PRELP: variants seen among roughly 807,000 people sequenced by gnomAD.
The protein encoded by PRELP is prolargin.
A neutral mutation model predicts 22.8 loss-of-function variants in PRELP; 16 were observed. The observed-to-expected ratio is 0.70, with a 90% CI of 0.47 to 1.06. The LOEUF (loss-of-function observed/expected upper bound fraction) is 1.06. Among genes scored for constraint, PRELP ranks in the 50% least tolerant of loss-of-function variants. PRELP has a pLI of 0.00. For synonymous variants in PRELP, 233 were observed against 211.4 expected (o/e 1.10, Z -0.89); for missense variants, 434 against 485.2 (o/e 0.89, Z 0.99).
chr1:203,483,094 A>C lies in PRELP; in HGVS notation c.-16-75A>C. ...TTCCCTAGAGCTCTAGTTCTGCCCAACTCTGGCTTCAAAAACATGACAACT... is the reference window on the plus strand; with the variant it reads ...TTCCCTAGAGCTCTAGTTCTGCCCACCTCTGGCTTCAAAAACATGACAACT... On this transcript the variant is annotated intron_variant, in intron 1 of 2. Transcript: ENST00000343110. This position sits in a 1 kb window ranked among gnomAD's most constrained non-coding sequence, Gnocchi z 4.4. The C allele has an allele frequency of 7.9e-7, 1 of 1,262,360 alleles. No individual in the cohort carries two copies. The highest frequency in any genetic ancestry group is 1.1e-6 in the Non-Finnish European group (1 of 906,062). 78.2% of individuals were successfully genotyped at this position (1,262,360 alleles called of 1,614,324 possible).
At chr1:203,480,617 A>G (rs1660983628) in intron 1 of PRELP, among the ~76,000 whole-genome samples, 1 of 152,244 alleles carries the variant, frequency 6.6e-6, no homozygotes, top group African/African-American at 2.4e-5. Flanking sequence ...CCCCATGAGA[A>G]AAGCCTTAGA....
chr1:203,481,868 T>C (rs1661006223), intron 1 of PRELP, among the ~76,000 whole-genome samples: 1 of 151,898 alleles, frequency 6.6e-6, no homozygotes, highest in Admixed American at 6.6e-5. Context: ...GGGTCTGGAG[T>C]TGATTGGTGG....
At position 203,489,312 on chromosome 1, in the gene PRELP, C is replaced by T. The variant is rs1333119112; in HGVS notation, c.*2431C>T. On this transcript the variant is annotated 3_prime_UTR_variant, in exon 3 of 3. Coordinates refer to ENST00000343110, the MANE Select transcript of PRELP (RefSeq NM_002725.4). The stretch of plus-strand genomic sequence containing the variant: ...CTGCCCAATCTAGAATATGTCTGCT[C>T]TCCTTTGCTCTCTGCAGCTGTAAGC... 1 of 152,414 alleles carries T rather than the reference C, an allele frequency of 6.6e-6. No individual in the cohort carries two copies. Among genetic ancestry groups the T allele is most frequent in the East Asian group, 1.9e-4 (1 of 5,198 alleles). The allele number at this position is 152,414 out of a possible 1,614,324, so 9.4% of individuals were successfully genotyped here. A position where few individuals can be genotyped will look rare whatever the true frequency, so the allele number is the denominator to read the frequency against.
rs140798315 is a variant in PRELP, at chr1:203,486,830, C to T, written c.1098C>T (p.Ile366=). The T allele has an allele frequency of 6.6e-4, 1,073 of 1,614,224 alleles. No homozygotes were observed. The highest frequency in any genetic ancestry group is 8.6e-4 in the Non-Finnish European group (1,017 of 1,180,032). ...ATGGAAACTACTTGAAGCCGCCCAT[C>T]CCGCTGGACCTCATGATGTGCTTCC... ...RLDGNYLKPP[I]PLDLMMCFRL... is the part of the protein sequence containing the mutation. The change falls in exon 3 of 3, where the codon ATC becomes ATT. Residue 366 remains isoleucine, a synonymous_variant. Coordinates refer to ENST00000343110, the MANE Select transcript of PRELP (RefSeq NM_002725.4).
At chr1:203,484,247 G>C in intron 2 of PRELP, 90 bp downstream of exon 2, 1 of 1,500,852 alleles carries the variant, frequency 6.7e-7, no homozygotes, top group Non-Finnish European at 8.9e-7. Flanking sequence ...AGGGTGGGGT[G>C]GTATAAAAAG....
In PRELP at chr1:203,486,930, C is replaced by T. The variant is rs1249154165; in HGVS notation, c.*49C>T. ...CTCTGACCGCACTTGAAGGCTGGGGCCCAGGCACCTGTGCCGGCCATTCGT... is the reference window on the plus strand; with the variant it reads ...CTCTGACCGCACTTGAAGGCTGGGGTCCAGGCACCTGTGCCGGCCATTCGT... On this transcript the variant is annotated 3_prime_UTR_variant, in exon 3 of 3. Coordinates refer to ENST00000343110, the MANE Select transcript of PRELP (RefSeq NM_002725.4). 3.3e-6 allele frequency: 5 copies of T among 1,529,746 alleles called. No individual in the cohort carries two copies. The highest frequency in any genetic ancestry group is 1.4e-5 in the African/African-American group (1 of 72,636). 94.8% of individuals were successfully genotyped at this position (1,529,746 alleles called of 1,614,324 possible). A position where few individuals can be genotyped will look rare whatever the true frequency, so the allele number is the denominator to read the frequency against.
chr1:203,482,484 G>A (rs1378184267), intron 1 of PRELP, among the ~76,000 whole-genome samples: 1 of 151,050 alleles, frequency 6.6e-6, no homozygotes, highest in Non-Finnish European at 1.5e-5. Flanking sequence ...CTCCATGTTG[G>A]TCAGGCTGAT....
At chr1:203,479,706 C>CAAAAAA (rs397844598) in intron 1 of PRELP, among the ~76,000 whole-genome samples, 14 of 52,516 alleles carry the variant, frequency 2.7e-4, no homozygotes, top group South Asian at 1.0e-3. Context: ...CCTGTATCAC[C>CAAAAAA]AAAAAAAAAA....
intron 1 of PRELP, 33 bp downstream of exon 1, chr1:203,475,971 G>C (rs1660906492): frequency 6.6e-6 from 1 of 152,516 alleles, no homozygotes; most frequent in Non-Finnish European, 1.5e-5. Flanking sequence ...CAGGAGACTG[G>C]GAAGAATCTT....
rs1171823716 is a variant in PRELP, at chr1:203,490,460, C to A, written c.*3579C>A. 1.3e-5 allele frequency: 2 copies of A among 152,200 alleles called. No homozygotes were observed. Among genetic ancestry groups the A allele is most frequent in the Non-Finnish European group, 1.5e-5 (1 of 68,046 alleles). The allele number at this position is 152,200 out of a possible 1,614,324, so 9.4% of individuals were successfully genotyped here. ...CTACATGTACTAAATTGTCGAAGGTCTCCCAGGAGCTCTGTACTGAGGCAG... is the reference window on the plus strand; with the variant it reads ...CTACATGTACTAAATTGTCGAAGGTATCCCAGGAGCTCTGTACTGAGGCAG... On this transcript the variant is annotated 3_prime_UTR_variant, in exon 3 of 3. Coordinates refer to ENST00000343110, the MANE Select transcript of PRELP (RefSeq NM_002725.4).
In PRELP at chr1:203,484,048, T is replaced by C; in HGVS notation, c.864T>C (p.Phe288=). The part of the protein sequence containing the change: ...LTDRGLPKNS[F]NISNLLVLHL... ...ACAGGGGACTCCCCAAGAACTCCTT[T>C]AATATCTCCAACCTGCTTGTGCTCC... Residue 288 remains phenylalanine, a synonymous_variant, in exon 2 of 3, where the codon TTT becomes TTC. Coordinates refer to ENST00000343110, the MANE Select transcript of PRELP (RefSeq NM_002725.4). 1 of 1,614,126 alleles carries C rather than the reference T, an allele frequency of 6.2e-7. No individual in the cohort carries two copies. The highest frequency in any genetic ancestry group is 8.5e-7 in the Non-Finnish European group (1 of 1,180,042).
In PRELP at chr1:203,486,929, GC is replaced by G; in HGVS notation, c.*51del. The G allele has an allele frequency of 1.3e-6, 2 of 1,532,502 alleles. No individual in the cohort carries two copies. Among genetic ancestry groups the G allele is most frequent in the Non-Finnish European group, 1.8e-6 (2 of 1,127,732 alleles). The allele number at this position is 1,532,502 out of a possible 1,614,324, so 94.9% of individuals were successfully genotyped here. On this transcript the variant is annotated 3_prime_UTR_variant, in exon 3 of 3. Transcript: ENST00000343110. ...GCTCTGACCGCACTTGAAGGCTGGG[GC>G]CCAGGCACCTGTGCCGGCCATTCGT...
Position 203,488,321 on chromosome 1 carries a change from C to T in PRELP, c.*1440C>T, listed in dbSNP as rs1026018116. On this transcript the variant is annotated 3_prime_UTR_variant, in exon 3 of 3. Transcript: ENST00000343110. ...ATTGCCTGAGCTCAGGAGTTCGAAACCACCCTGGGCAACATGGTGAAACCC... is the reference window on the plus strand; with the variant it reads ...ATTGCCTGAGCTCAGGAGTTCGAAATCACCCTGGGCAACATGGTGAAACCC... The T allele has an allele frequency of 2.6e-5, 4 of 152,198 alleles. No homozygotes were observed. Among genetic ancestry groups the T allele is most frequent in the African/African-American group, 9.7e-5 (4 of 41,436 alleles). The allele number at this position is 152,198 out of a possible 1,614,324, so 9.4% of individuals were successfully genotyped here.
At chr1:203,485,707 A>G (rs1188145439) in intron 2 of PRELP, among the ~76,000 whole-genome samples, 2 of 152,034 alleles carry the variant, frequency 1.3e-5, no homozygotes, top group African/African-American at 4.8e-5. Flanking sequence ...AGACGAGGAA[A>G]AGGAAGAGGA....
rs950798043 is a variant in PRELP, at chr1:203,483,917, C to T, written c.733C>T (p.His245Tyr). Residue 245 changes from histidine (H) to tyrosine (Y), a missense_variant, in exon 2 of 3, where the codon CAC becomes TAC. Coordinates refer to ENST00000343110, the MANE Select transcript of PRELP (RefSeq NM_002725.4). This position sits in a 1 kb window ranked among gnomAD's most constrained non-coding sequence, Gnocchi z 4.4. Reference protein sequence around the residue: ...KMPPRVPTAIHQLYLDSNKIE... With the variant: ...KMPPRVPTAIYQLYLDSNKIE... ...GCCGCCCAGGGTCCCCACCGCCATT[C>T]ACCAGCTCTACCTGGACAGTAACAA... 6.2e-7 allele frequency: 1 copy of T among 1,614,276 alleles called. No homozygotes were observed. The highest frequency in any genetic ancestry group is 1.3e-5 in the African/African-American group (1 of 75,070).
At chr1:203,485,759 G>A (rs1571588151) in intron 2 of PRELP, among the ~76,000 whole-genome samples, 1 of 147,950 alleles carries the variant, frequency 6.8e-6, no homozygotes, top group East Asian at 2.1e-4. Flanking sequence ...TCCTCCTCCT[G>A]CTCCTCCATA....
At chr1:203,479,003 A>G (rs1234819956) in intron 1 of PRELP, among the ~76,000 whole-genome samples, 1 of 152,180 alleles carries the variant, frequency 6.6e-6, no homozygotes, top group Non-Finnish European at 1.5e-5. Flanking sequence ...TTGAGAACAG[A>G]AAGAAGGGAA....
At position 203,490,329 on chromosome 1, in the gene PRELP, T is replaced by C. The variant is rs550068981; in HGVS notation, c.*3448T>C. The C allele has an allele frequency of 6.6e-6, 1 of 152,234 alleles. No individual in the cohort carries two copies. Among genetic ancestry groups the C allele is most frequent in the Non-Finnish European group, 1.5e-5 (1 of 68,008 alleles). 9.4% of individuals were successfully genotyped at this position (152,234 alleles called of 1,614,324 possible). A position where few individuals can be genotyped will look rare whatever the true frequency, so the allele number is the denominator to read the frequency against. ...ACCCTCATGAAAAATTAATCCTCAG[T>C]TCCACGAGACTGCCCACCCACAGAC... On this transcript the variant is annotated 3_prime_UTR_variant, in exon 3 of 3. Coordinates refer to ENST00000343110, the MANE Select transcript of PRELP (RefSeq NM_002725.4).
At position 203,483,957 on chromosome 1, in the gene PRELP, C is replaced by T; in HGVS notation, c.773C>T (p.Pro258Leu). The change falls in exon 2 of 3, where the codon CCT becomes CTT. Residue 258 changes from proline (P) to leucine (L), a missense_variant. By Grantham distance (98) the Pro-to-Leu change is moderately conservative. Coordinates refer to ENST00000343110, the MANE Select transcript of PRELP (RefSeq NM_002725.4). The surrounding 1 kb of genome is among the most constrained non-coding windows in gnomAD (Gnocchi z 4.4). Reference sequence around the variant, plus strand: ...GACAGTAACAAGATTGAGACCATCCCTAACGGATACTTCAAGAGCTTTCCC... The same window carrying T: ...GACAGTAACAAGATTGAGACCATCCTTAACGGATACTTCAAGAGCTTTCCC... ...YLDSNKIETI[P>L]NGYFKSFPNL... 6.2e-7 allele frequency: 1 copy of T among 1,614,236 alleles called. No individual in the cohort carries two copies. The highest frequency in any genetic ancestry group is 8.5e-7 in the Non-Finnish European group (1 of 1,180,048).
Sources: gnomAD v4.1 joint callset for allele counts (sites outside exome capture counted in the v4.1 genomes callset) on GRCh38, gnomAD v4.1.1 for gene constraint, Gnocchi (gnomAD v3.1) non-coding constraint, MANE v1.5 for transcripts, NCBI Gene and HGNC (gene_info 2026-07-23, HGNC 2026-07-21) for gene names.